The following CLN6 variants were observed in gnomAD, a reference collection of about 807,000 sequenced individuals.
CLN6 encodes ceroid-lipofuscinosis neuronal protein 6.
In CLN6, 22 loss-of-function variants were observed where a neutral mutation model predicts 33.3. That is an observed-to-expected ratio of 0.66 (90% CI 0.47 to 0.94). CLN6 has a LOEUF of 0.94. CLN6 is among the 40% of genes least tolerant of loss of function. The pLI, the probability that CLN6 is intolerant of heterozygous loss-of-function variation, is 0.00. For missense variants in CLN6, 387 were observed against 417.1 expected, an observed-to-expected ratio of 0.93 and a Z score of 0.63; for synonymous variants, 201 against 174.6, an observed-to-expected ratio of 1.15 and a Z score of -1.19.
chr15:68,254,570 C>T (rs961177035), intron 1 of CLN6: 2 of 549,958 alleles, frequency 3.6e-6, no homozygotes, highest in African/African-American at 3.8e-5. Context: ...GTGAGAACGA[C>T]CCCAGGACAG....
Position 68,207,953 on chromosome 15 carries a change from G to GATGC in CLN6, c.*183_*186dup. On this transcript the variant is annotated 3_prime_UTR_variant, in exon 7 of 7. Coordinates refer to ENST00000249806, the MANE Select transcript of CLN6 (RefSeq NM_017882.3). ...GACGGAAATAGTAGAGTCTGAAAAT[G>GATGC]ATGCACTCTGCGCACACATATACAA... The GATGC allele has an allele frequency of 1.6e-6, 1 of 618,060 alleles. No individual in the cohort carries two copies. The highest frequency in any genetic ancestry group is 2.8e-6 in the Non-Finnish European group (1 of 352,228). The allele number at this position is 618,060 out of a possible 1,614,324, so 38.3% of individuals were successfully genotyped here. A position where few individuals can be genotyped will look rare whatever the true frequency, so the allele number is the denominator to read the frequency against.
chr15:68,218,730 G>A, intron 1 of CLN6, 80 bp from the exon 2 acceptor site: 1 of 1,048,676 alleles, frequency 9.5e-7, no homozygotes, highest in South Asian at 1.3e-5. Context: ...GCCACAAAGA[G>A]GTCTGGGGAC....
chr15:68,214,268 A>G (rs778856506), intron 3 of CLN6, 22 bp downstream of exon 3: 6 of 1,563,050 alleles, frequency 3.8e-6, no homozygotes, highest in Non-Finnish European at 3.5e-6. Flanking sequence ...GACAGGAGAG[A>G]GTGGGGGCCC....
intron 1 of CLN6, among the ~76,000 whole-genome samples, chr15:68,248,969 A>C (rs1474784664): frequency 6.6e-6 from 1 of 152,176 alleles, no homozygotes; most frequent in Non-Finnish European, 1.5e-5. Context: ...ACCAACAACA[A>C]CAAAAAACAA....
Position 68,210,186 on chromosome 15 carries a change from C to T in CLN6, c.543-427G>A, listed in dbSNP as rs1474729027. Among the ~76,000 whole-genome samples the T allele has an allele frequency of 2.0e-5, 3 of 152,078 alleles. No homozygotes were observed. The highest frequency in any genetic ancestry group is 6.5e-5 in the Admixed American group (1 of 15,290). On this transcript the variant is annotated intron_variant, in intron 5 of 6. Transcript: ENST00000249806. The surrounding 1 kb of genome is among the most constrained non-coding windows in gnomAD (Gnocchi z 5.6). The stretch of plus-strand genomic sequence containing the variant: ...GCAGGGGCCTCTTGGTGAAGCACTG[C>T]ACCCACTCTCAGCACACAGCCCCAC...
In CLN6 at chr15:68,247,663, T is replaced by A. The variant is rs1456946194; in HGVS notation, c.179+9027A>T. 2.0e-5 allele frequency among the ~76,000 whole-genome samples: 3 copies of A among 151,988 alleles called. No individual in the cohort carries two copies. In the East Asian group the frequency reaches 5.8e-4, roughly 29 times the overall value. On this transcript the variant is annotated intron_variant, in intron 1 of 6. Coordinates refer to the CLN6 transcript ENST00000538696. This position sits in a 1 kb window ranked among gnomAD's most constrained non-coding sequence, Gnocchi z 4.2. ...ATACCAATGATGTTCTCAACAGAAATAGAAAAAACAATCCTAAAATTCATA... is the reference window on the plus strand; with the variant it reads ...ATACCAATGATGTTCTCAACAGAAAAAGAAAAAACAATCCTAAAATTCATA...
At chr15:68,213,937 T>C in intron 3 of CLN6, 1 of 305,106 alleles carries the variant, frequency 3.3e-6, no homozygotes, top group Non-Finnish European at 6.5e-6. Context: ...GACCTCTCCC[T>C]GGACCTCCAG....
At chr15:68,218,209 TTGTC>T (rs374463394) in intron 2 of CLN6, 3 of 327,146 alleles carry the variant, frequency 9.2e-6, no homozygotes, top group African/African-American at 2.1e-5. Context: ...CTATACCCCT[TTGTC>T]TGTCTTGGTG....
At chr15:68,229,327 C>T (rs2093261406) in intron 1 of CLN6, among the ~76,000 whole-genome samples, 175 bp downstream of exon 1, 1 of 152,202 alleles carries the variant, frequency 6.6e-6, no homozygotes, top group Non-Finnish European at 1.5e-5. Context: ...GAGAAGGAAA[C>T]GCGGGGGCAC....
Position 68,211,626 on chromosome 15 carries a change from CAG to C in CLN6, c.486+47_486+48del. ...GGGCCATTTCTTCAGCCTCCCAGGA[CAG>C]ACTGTGCTCCTAGGGCTTACAGGCA... On this transcript the variant is annotated intron_variant, in intron 4 of 6. Transcript: ENST00000249806. This position sits in a 1 kb window ranked among gnomAD's most constrained non-coding sequence, Gnocchi z 5.9. The C allele has an allele frequency of 3.1e-6, 5 of 1,610,032 alleles. No individual in the cohort carries two copies. The highest frequency in any genetic ancestry group is 4.2e-6 in the Non-Finnish European group (5 of 1,179,974).
upstream of CLN6, among the ~76,000 whole-genome samples, chr15:68,231,939 T>G (rs1305083246): frequency 2.0e-5 from 3 of 152,186 alleles, no homozygotes; most frequent in Non-Finnish European, 2.9e-5. Context: ...AGAGTAAAGC[T>G]GAGGGGTACA....
At chr15:68,229,153 C>T (rs2093260494) in intron 1 of CLN6, among the ~76,000 whole-genome samples, 3 of 152,164 alleles carry the variant, frequency 2.0e-5, no homozygotes, top group Admixed American at 6.5e-5. Context: ...GTGTACCCAC[C>T]GCCCTGGGGA....
Position 68,225,883 on chromosome 15 carries a change from T to C in CLN6, c.83+3619A>G, listed in dbSNP as rs150469275. On this transcript the variant is annotated intron_variant, in intron 1 of 6. Coordinates refer to ENST00000249806, the MANE Select transcript of CLN6 (RefSeq NM_017882.3). The stretch of plus-strand genomic sequence containing the variant: ...AGCTACTCGGGAGGCTGAGGCAGAA[T>C]TGCTTGAACTCTGGAGGTGGAGGTT... Among the ~76,000 whole-genome samples, 602 of 149,718 alleles carry C rather than the reference T, an allele frequency of 4.0e-3. 10 individuals are homozygous for C. Among genetic ancestry groups the C allele is most frequent in the African/African-American group, 0.014 (571 of 40,608 alleles).
chr15:68,226,090 C>A (rs564720191), intron 1 of CLN6, among the ~76,000 whole-genome samples: 1 of 151,672 alleles, frequency 6.6e-6, no homozygotes, highest in African/African-American at 2.4e-5. Flanking sequence ...GAGGCTGAGG[C>A]GGGTGAATCA....
At chr15:68,214,045 G>C in intron 3 of CLN6, 1 of 461,208 alleles carries the variant, frequency 2.2e-6, no homozygotes, top group South Asian at 2.1e-5. Flanking sequence ...TTCCCCCACT[G>C]GCACGCCAGG....
intron 1 of CLN6, chr15:68,248,226 C>A (rs1436470368): frequency 6.6e-6 from 1 of 150,692 alleles, no homozygotes; most frequent in Non-Finnish European, 1.5e-5. Flanking sequence ...CAAGAATATA[C>A]AATGGGAAAG....
At chr15:68,235,587 AATATATATATATATAT>A (rs59823320) in intron 1 of CLN6, among the ~76,000 whole-genome samples, 27 of 95,092 alleles carry the variant, frequency 2.8e-4, no homozygotes, top group African/African-American at 1.1e-3. Context: ...AATAAAAATA[AATATATATATATATAT>A]ATATATATAT....
intron 1 of CLN6, among the ~76,000 whole-genome samples, chr15:68,251,967 CTTTTTTT>C (rs35907860): frequency 4.2e-5 from 3 of 71,868 alleles, no homozygotes; most frequent in South Asian, 9.7e-4. Flanking sequence ...ATGTGTGAAT[CTTTTTTT>C]TTTTTTTTTT....
intron 1 of CLN6, among the ~76,000 whole-genome samples, chr15:68,226,727 A>C (rs2141153618): frequency 6.6e-6 from 1 of 152,210 alleles, no homozygotes; most frequent in East Asian, 1.9e-4. Context: ...GGCCTCCCAA[A>C]GTGCTGGGAT....
Sources: allele counts gnomAD v4.1 joint callset (sites outside exome capture counted in the v4.1 genomes callset), GRCh38; gene constraint gnomAD v4.1.1; non-coding constraint Gnocchi (gnomAD v3.1); transcripts MANE v1.5; gene names NCBI Gene and HGNC (gene_info 2026-07-23, HGNC 2026-07-21).